Variants in SLC9A4 observed in about 807,000 individuals in gnomAD.
SLC9A4 encodes solute carrier family 9 member A4, also known as sodium/hydrogen exchanger 4.
Under a neutral mutation model 67.4 loss-of-function variants are expected in SLC9A4, and 63 were observed. The observed-to-expected ratio is 0.93, with a 90% CI of 0.76 to 1.15. The LOEUF (loss-of-function observed/expected upper bound fraction) is 1.15, where lower values mean the gene tolerates loss of function less well. SLC9A4 is among the 50% of genes most tolerant of loss of function. The pLI, the probability that SLC9A4 is intolerant of heterozygous loss-of-function variation, is 0.00. For missense variants in SLC9A4, 1,089 were observed against 987.7 expected (o/e 1.10, Z -1.38); for synonymous variants, 393 against 367.2 (o/e 1.07, Z -0.80).
In SLC9A4 at chr2:102,500,250, G is replaced by A. The variant is rs556738354; in HGVS notation, c.721-3198G>A. Among the ~76,000 whole-genome samples the A allele has an allele frequency of 1.4e-4, 22 of 152,274 alleles. No individual in the cohort carries two copies. In the East Asian group the frequency reaches 4.3e-3, roughly 29 times the overall value. ...ATGCACTCACAAACCTAGGAACGGT[G>A]AGGACTGCCGGCAGTCACCAGAAGA... On this transcript the variant is annotated intron_variant, in intron 2 of 11. Coordinates refer to ENST00000295269, the MANE Select transcript of SLC9A4 (RefSeq NM_001011552.4).
rs1021498168 is a variant in SLC9A4 at position 102,532,588 on chromosome 2, G to A, written c.2297G>A (p.Gly766Asp). The part of the protein sequence containing the change: ...EEGESGGESE[G>D]KASLVEVRSR... ...GGTGAGTCTGGAGGGGAGAGTGAGG[G>A]CAAGGCCTCTTTGGTTGAGGTTCGG... Residue 766 changes from glycine (G) to aspartate (D), a missense_variant, in exon 12 of 12, where the codon GGC becomes GAC. Coordinates refer to ENST00000295269, the MANE Select transcript of SLC9A4 (RefSeq NM_001011552.4). 8 of 1,613,986 alleles carry A rather than the reference G, an allele frequency of 5.0e-6. No individual in the cohort carries two copies. Among genetic ancestry groups the A allele is most frequent in the Non-Finnish European group, 6.8e-6 (8 of 1,179,940 alleles).
intron 8 of SLC9A4, among the ~76,000 whole-genome samples, chr2:102,514,978 G>C (rs1330991026): frequency 6.6e-6 from 1 of 152,104 alleles, no homozygotes; most frequent in Non-Finnish European, 1.5e-5. Flanking sequence ...CCAAGAGCTG[G>C]CTAAATACTT....
intron 2 of SLC9A4, among the ~76,000 whole-genome samples, chr2:102,484,537 A>G (rs1194901155): frequency 6.6e-6 from 1 of 152,228 alleles, no homozygotes; most frequent in Admixed American, 6.5e-5. Context: ...TAAGCACTCA[A>G]TGAATGCTGG....
chr2:102,483,799 C>CAT (rs61195337), intron 2 of SLC9A4, among the ~76,000 whole-genome samples: 1,204 of 113,956 alleles, frequency 0.011, 6 homozygotes, highest in East Asian at 0.044. Context: ...CCATGTACAG[C>CAT]ATATATATAT....
intron 6 of SLC9A4, among the ~76,000 whole-genome samples, chr2:102,509,297 A>G (rs1685110582): frequency 6.6e-6 from 1 of 152,132 alleles, no homozygotes; most frequent in African/African-American, 2.4e-5. Context: ...GCATCCCTCC[A>G]ACAATGATCC....
intron 9 of SLC9A4, among the ~76,000 whole-genome samples, 190 bp from the exon 10 acceptor site, chr2:102,524,834 T>G (rs997424206): frequency 1.1e-4 from 17 of 152,198 alleles, no homozygotes; most frequent in Non-Finnish European, 2.5e-4. Context: ...CTGAAAGCAG[T>G]GACCTGGGGT....
chr2:102,506,092 G>A (rs1019919102), intron 4 of SLC9A4, among the ~76,000 whole-genome samples: 6 of 152,188 alleles, frequency 3.9e-5, no homozygotes, highest in South Asian at 2.1e-4. Context: ...AAAGAGCTTC[G>A]TATTAATTAG....
At chr2:102,488,107 G>C (rs1345482272) in intron 2 of SLC9A4, among the ~76,000 whole-genome samples, 3 of 152,124 alleles carry the variant, frequency 2.0e-5, no homozygotes, top group Non-Finnish European at 4.4e-5. Context: ...TTCCTGACTT[G>C]AGAGAAAAGC....
intron 9 of SLC9A4, among the ~76,000 whole-genome samples, chr2:102,522,293 C>G (rs963402473): frequency 6.6e-6 from 1 of 152,052 alleles, no homozygotes; most frequent in Non-Finnish European, 1.5e-5. Flanking sequence ...TAATACACAT[C>G]TAGAATGCAC....
chr2:102,484,500 T>C (rs1170257138), intron 2 of SLC9A4, among the ~76,000 whole-genome samples: 1 of 152,328 alleles, frequency 6.6e-6, no homozygotes, highest in Admixed American at 6.5e-5. Context: ...TATTCAGCTC[T>C]TAGCAGAGTG....
At chr2:102,481,726 C>G (rs945890164) in intron 2 of SLC9A4, among the ~76,000 whole-genome samples, 1 of 151,724 alleles carries the variant, frequency 6.6e-6, no homozygotes, top group African/African-American at 2.4e-5. Flanking sequence ...TATATTTTAC[C>G]CTATAAAAGT....
In SLC9A4 at chr2:102,503,628, A is replaced by G; in HGVS notation, c.901A>G (p.Ile301Val). Residue 301 changes from isoleucine to valine, a missense_variant, in exon 3 of 12, where the codon ATT becomes GTT. Coordinates refer to ENST00000295269, the MANE Select transcript of SLC9A4 (RefSeq NM_001011552.4). ...ITRFTQNISA[I>V]EPLIVFMFSY... ...ACGTTTCACTCAGAATATCTCTGCA[A>G]TTGAGCCACTCATCGTCTTCATGTT... 1.2e-6 allele frequency: 2 copies of G among 1,614,172 alleles called. No individual in the cohort carries two copies. Among genetic ancestry groups the G allele is most frequent in the South Asian group, 1.1e-5 (1 of 91,086 alleles).
intron 3 of SLC9A4, among the ~76,000 whole-genome samples, chr2:102,504,264 A>G (rs375176411): frequency 1.3e-5 from 2 of 152,054 alleles, no homozygotes; most frequent in Non-Finnish European, 1.5e-5. Flanking sequence ...ATGTTAGCCA[A>G]GATGGTCTCG....
intron 2 of SLC9A4, among the ~76,000 whole-genome samples, chr2:102,498,893 G>T (rs1199361998): frequency 3.9e-5 from 6 of 152,180 alleles, no homozygotes; most frequent in Non-Finnish European, 8.8e-5. Context: ...GTCCTTCATG[G>T]ATCAGACACT....
chr2:102,473,856 T>C lies in SLC9A4; in HGVS notation c.97T>C (p.Ser33Pro), dbSNP rs1334345164. ...TGAAGCATCTTCTGATTTGAATGAA[T>C]CTGCAAATTCCACTGCTCAGTATGC... ...CSEASSDLNE[S>P]ANSTAQYASN... Residue 33 changes from serine (S) to proline (P), a missense_variant, in exon 1 of 12, where the codon TCT becomes CCT. Transcript: ENST00000295269. 20 of 1,613,990 alleles carry C rather than the reference T, an allele frequency of 1.2e-5. No homozygotes were observed. The highest frequency in any genetic ancestry group is 1.4e-5 in the Non-Finnish European group (17 of 1,179,974).
rs1394305289 is a variant in SLC9A4, at chr2:102,514,108, T to C, written c.1578T>C (p.His526=). 6.2e-7 allele frequency: 1 copy of C among 1,613,544 alleles called. No individual in the cohort carries two copies. ...QVRDKFKKFD[H]RYLRKILIRK... ...TTTTTAGGTTTAAGAAGTTTGATCA[T>C]AGATACTTACGGAAAATCCTCATCA... is the stretch of plus-strand genomic sequence containing the variant. Residue 526 remains histidine (H), a synonymous_variant, in exon 8 of 12, where the codon CAT becomes CAC. Transcript: ENST00000295269.
chr2:102,484,836 G>A (rs1487029534), intron 2 of SLC9A4, among the ~76,000 whole-genome samples: 1 of 152,140 alleles, frequency 6.6e-6, no homozygotes, highest in African/African-American at 2.4e-5. Flanking sequence ...ACTCCAGGGT[G>A]TCTCTGCTCT....
intron 9 of SLC9A4, among the ~76,000 whole-genome samples, chr2:102,520,213 C>T (rs1685376466): frequency 1.3e-5 from 2 of 152,154 alleles, no homozygotes; most frequent in Admixed American, 1.3e-4. Flanking sequence ...CCTAGCCCTG[C>T]AGCCTGGTGC....
intron 2 of SLC9A4, among the ~76,000 whole-genome samples, chr2:102,502,075 T>G (rs1684953438): frequency 6.6e-6 from 1 of 152,282 alleles, no homozygotes; most frequent in African/African-American, 2.4e-5. Flanking sequence ...TTTTTGCATT[T>G]TTCCTGGTGT....
Sources: allele counts gnomAD v4.1 joint callset (sites outside exome capture counted in the v4.1 genomes callset), GRCh38; gene constraint gnomAD v4.1.1; transcripts MANE v1.5; gene names NCBI Gene and HGNC (gene_info 2026-07-23, HGNC 2026-07-21).